Variants in TLK2 observed in about 807,000 individuals in gnomAD.
TLK2 encodes the protein serine/threonine-protein kinase tousled-like 2.
In TLK2, 6 loss-of-function variants were observed where a neutral mutation model predicts 117.3. The ratio of observed to expected loss-of-function variants is 0.05; its 90% CI spans 0.03 to 0.10. The LOEUF (loss-of-function observed/expected upper bound fraction) is 0.10. Ranked by LOEUF, TLK2 falls within the 10% of genes least tolerant of loss-of-function variation. TLK2 has a pLI of 1.00. For synonymous variants in TLK2, 257 were observed against 316.7 expected (o/e 0.81, Z 2.00); for missense variants, 299 against 901.2 (o/e 0.33, Z 8.56).
intron 16 of TLK2, among the ~76,000 whole-genome samples, chr17:62,595,313 G>A (rs945228088): frequency 2.2e-5 from 3 of 137,812 alleles, no homozygotes; most frequent in East Asian, 2.1e-4. Context: ...TTAAATCAGC[G>A]TTATAACAAA....
chr17:62,486,727 TA>T (rs1248414333), intron 2 of TLK2, among the ~76,000 whole-genome samples: 1 of 152,220 alleles, frequency 6.6e-6, no homozygotes, highest in Non-Finnish European at 1.5e-5. Context: ...ATACTTATAA[TA>T]CTGTGTGCCA....
intron 2 of TLK2, among the ~76,000 whole-genome samples, chr17:62,504,927 T>C (rs2074542038): frequency 6.6e-6 from 1 of 152,156 alleles, no homozygotes; most frequent in South Asian, 2.1e-4. Flanking sequence ...TACTGCAACC[T>C]CCGCCTCGCA....
chr17:62,533,331 T>C (rs2076868048), intron 6 of TLK2, among the ~76,000 whole-genome samples: 1 of 151,718 alleles, frequency 6.6e-6, no homozygotes, highest in Admixed American at 6.6e-5. Context: ...ATTTGTCTTA[T>C]TCTTAGATGT....
chr17:62,477,566 G>A (rs1216562701), upstream of TLK2: 1 of 152,248 alleles, frequency 6.6e-6, no homozygotes, highest in Admixed American at 6.5e-5. Flanking sequence ...CTCCACTGGG[G>A]AGTACTTGTC....
At chr17:62,600,962 GAA>G (rs913522652) in intron 18 of TLK2, 142 bp downstream of exon 18, 33 of 802,672 alleles carry the variant, frequency 4.1e-5, no homozygotes, top group African/African-American at 1.9e-4. Flanking sequence ...GTAGGTGTGG[GAA>G]AAAAGAGTCC....
intron 15 of TLK2, among the ~76,000 whole-genome samples, chr17:62,582,641 A>G (rs189749638): frequency 1.3e-5 from 2 of 152,084 alleles, no homozygotes; most frequent in African/African-American, 4.8e-5. Flanking sequence ...GTAATTTTTT[A>G]TTGTAAAAAG....
chr17:62,564,723 C>T (rs1000578797), intron 10 of TLK2, among the ~76,000 whole-genome samples: 1 of 150,868 alleles, frequency 6.6e-6, no homozygotes, highest in Non-Finnish European at 1.5e-5. Context: ...AAAAAACAAA[C>T]AAAAAACCAA....
At chr17:62,574,400 A>G in intron 12 of TLK2, 2 of 1,398,910 alleles carry the variant, frequency 1.4e-6, no homozygotes, top group Non-Finnish European at 2.0e-6. Context: ...AGGAGCCCAC[A>G]GTTTACTTAG....
chr17:62,602,733 T>A (rs1451528996), intron 19 of TLK2, among the ~76,000 whole-genome samples: 1 of 152,214 alleles, frequency 6.6e-6, no homozygotes, highest in Non-Finnish European at 1.5e-5. Flanking sequence ...GAGGCACATT[T>A]CTTCACATCT....
At chr17:62,596,233 G>T (rs979362425) in intron 16 of TLK2, among the ~76,000 whole-genome samples, 3 of 152,006 alleles carry the variant, frequency 2.0e-5, no homozygotes, top group Non-Finnish European at 4.4e-5. Flanking sequence ...GCACCACTAC[G>T]CCCAGCTAAG....
At chr17:62,604,139 G>A (rs1429568728) in intron 19 of TLK2, among the ~76,000 whole-genome samples, 6 of 151,858 alleles carry the variant, frequency 4.0e-5, no homozygotes, top group Non-Finnish European at 8.8e-5. Flanking sequence ...CAAGTAGCTG[G>A]GTTTACATGC....
rs369355989 is a variant in TLK2, at chr17:62,556,380, TTTTTG to T, written c.720+2630_720+2634del. The stretch of plus-strand genomic sequence containing the variant: ...TCAGCAGTATTTTTTTTATTTATAG[TTTTTG>T]TTTTATCTGTTGATGGTGGTACATT... On this transcript the variant is annotated intron_variant, in intron 9 of 21. Transcript: ENST00000346027. Among the ~76,000 whole-genome samples, 48 of 152,244 alleles carry T rather than the reference TTTTTG, an allele frequency of 3.2e-4. 2 individuals carry two copies. In the East Asian group the frequency reaches 8.7e-3, roughly 28 times the overall value.
chr17:62,590,364 A>ATTGTGGTGAGGTTGT (rs2081985010), intron 16 of TLK2, among the ~76,000 whole-genome samples: 1 of 152,034 alleles, frequency 6.6e-6, no homozygotes, highest in Admixed American at 6.6e-5. Context: ...GCTTGAACCC[A>ATTGTGGTGAGGTTGT]GGAGGCAGAG....
chr17:62,491,844 A>T (rs2073142887), intron 2 of TLK2, among the ~76,000 whole-genome samples: 1 of 152,182 alleles, frequency 6.6e-6, no homozygotes, highest in Non-Finnish European at 1.5e-5. Context: ...TTGGCCTCCC[A>T]AAGCACTGGG....
chr17:62,541,776 C>T (rs2077552625), intron 7 of TLK2, among the ~76,000 whole-genome samples: 1 of 151,640 alleles, frequency 6.6e-6, no homozygotes, highest in Non-Finnish European at 1.5e-5. Flanking sequence ...GAGTGCACCA[C>T]AGTAGCTGCA....
chr17:62,587,061 A>G (rs956226977), intron 16 of TLK2, among the ~76,000 whole-genome samples: 1 of 151,686 alleles, frequency 6.6e-6, no homozygotes, highest in African/African-American at 2.4e-5. Flanking sequence ...TTGCTTCTCT[A>G]TAGAATAGTA....
chr17:62,473,159 G>A (rs1216944875), intron 1 of TLK2, among the ~76,000 whole-genome samples: 7 of 152,258 alleles, frequency 4.6e-5, no homozygotes, highest in Non-Finnish European at 2.9e-5. Flanking sequence ...AGGCAGGGCT[G>A]GCTCCAGGTT....
chr17:62,585,313 CG>C (rs1179215221), intron 15 of TLK2, among the ~76,000 whole-genome samples: 1 of 152,188 alleles, frequency 6.6e-6, no homozygotes, highest in Non-Finnish European at 1.5e-5. Flanking sequence ...GAGGCCGAAG[CG>C]GGGCGGATCG....
chr17:62,502,673 G>A (rs1300458339), intron 2 of TLK2, among the ~76,000 whole-genome samples: 3 of 152,170 alleles, frequency 2.0e-5, no homozygotes, highest in African/African-American at 7.2e-5. Flanking sequence ...TTTAAGTTTA[G>A]TTAGAATATA....
Sources: allele counts gnomAD v4.1 joint callset (sites outside exome capture counted in the v4.1 genomes callset), GRCh38; gene constraint gnomAD v4.1.1; transcripts MANE v1.5; gene names NCBI Gene and HGNC (gene_info 2026-07-23, HGNC 2026-07-21).